Variants in CACNA1I observed in about 807,000 individuals in gnomAD.
CACNA1I encodes calcium voltage-gated channel subunit alpha1 I.
Under a neutral mutation model 201.6 loss-of-function variants are expected in CACNA1I, and 74 were observed. The ratio of observed to expected loss-of-function variants is 0.37; its 90% CI spans 0.30 to 0.45. The LOEUF is 0.45. Ranked by LOEUF, CACNA1I falls within the 20% of genes least tolerant of loss-of-function variation. CACNA1I has a pLI of 1.00. For synonymous variants in CACNA1I, 1,431 were observed against 1,345.2 expected (o/e 1.06, Z -1.40); for missense variants, 2,346 against 3,138.1 (o/e 0.75, Z 6.03).
In CACNA1I at chr22:39,649,382, G is replaced by A. The variant is rs927042452; in HGVS notation, c.1568-119G>A. ...ACCCCTGACCGCCTTTCCAGGCTGG[G>A]TCGGCTGGTTCCAGGCAGACCTGTG... On this transcript the variant is annotated intron_variant, in intron 9 of 36. Coordinates refer to ENST00000402142, the MANE Select transcript of CACNA1I (RefSeq NM_021096.4). This position sits in a 1 kb window ranked among gnomAD's most constrained non-coding sequence, Gnocchi z 7.3. 61 of 1,068,772 alleles carry A rather than the reference G, an allele frequency of 5.7e-5. No homozygotes were observed. The highest frequency in any genetic ancestry group is 7.9e-5 in the Non-Finnish European group (61 of 769,790). The allele number at this position is 1,068,772 out of a possible 1,614,324, so 66.2% of individuals were successfully genotyped here.
Position 39,677,842 on chromosome 22 carries a change from TCA to T in CACNA1I, c.4934-144_4934-143del. 1.1e-6 allele frequency: 1 copy of T among 897,914 alleles called. No individual in the cohort carries two copies. The highest frequency in any genetic ancestry group is 2.7e-5 in the East Asian group (1 of 36,572). 55.6% of individuals were successfully genotyped at this position (897,914 alleles called of 1,614,324 possible). On this transcript the variant is annotated intron_variant, in intron 30 of 36. Transcript: ENST00000402142. The surrounding 1 kb of genome is among the most constrained non-coding windows in gnomAD (Gnocchi z 4.8). ...AGCTCATGTGCCATCTCCCCGAGCC[TCA>T]GTTTATCTGTGGGCTGGGCACAGTC...
At position 39,665,694 on chromosome 22, in the gene CACNA1I, G is replaced by A. The variant is rs1320173181; in HGVS notation, c.3978+70G>A. 3 of 1,583,818 alleles carry A rather than the reference G, an allele frequency of 1.9e-6. No homozygotes were observed. The highest frequency in any genetic ancestry group is 1.7e-6 in the Non-Finnish European group (2 of 1,159,814). ...GGAAAAGGAAGTCTCAGACAGCCAG[G>A]GGAGAGACTCCACATTCCAACCTCA... is the stretch of plus-strand genomic sequence containing the variant. On this transcript the variant is annotated intron_variant, in intron 22 of 36. Coordinates refer to ENST00000402142, the MANE Select transcript of CACNA1I (RefSeq NM_021096.4). The surrounding 1 kb of genome is among the most constrained non-coding windows in gnomAD (Gnocchi z 5.5).
chr22:39,679,498 G>T (rs989160632), intron 32 of CACNA1I, 53 bp downstream of exon 32: 13 of 1,282,642 alleles, frequency 1.0e-5, no homozygotes, highest in Admixed American at 3.1e-5. Flanking sequence ...GCACCGCAGG[G>T]CCAGATGGGC....
chr22:39,620,608 G>A (rs933780956), intron 4 of CACNA1I, among the ~76,000 whole-genome samples: 8 of 152,228 alleles, frequency 5.3e-5, no homozygotes, highest in African/African-American at 1.7e-4. Context: ...GGGACGCACT[G>A]CCAGTGAGTA....
At chr22:39,672,136 G>A in intron 26 of CACNA1I, 63 bp from the exon 27 acceptor site, 2 of 990,536 alleles carry the variant, frequency 2.0e-6, no homozygotes, top group East Asian at 2.4e-5. Flanking sequence ...GACTTTCTGA[G>A]TGGAGGAAGG....
At position 39,676,781 on chromosome 22, in the gene CACNA1I, A is replaced by C. The variant is rs1347104079; in HGVS notation, c.4855-560A>C. The stretch of plus-strand genomic sequence containing the variant: ...TCCCAGACCAGCAGATGACAGTGAC[A>C]GGGATAAGTGCATTTCGGTGGTTTC... On this transcript the variant is annotated intron_variant, in intron 29 of 36. Coordinates refer to ENST00000402142, the MANE Select transcript of CACNA1I (RefSeq NM_021096.4). This position sits in a 1 kb window ranked among gnomAD's most constrained non-coding sequence, Gnocchi z 4.8. Among the ~76,000 whole-genome samples, 1 of 152,194 alleles carries C rather than the reference A, an allele frequency of 6.6e-6. No homozygotes were observed. Among genetic ancestry groups the C allele is most frequent in the Non-Finnish European group, 1.5e-5 (1 of 68,044 alleles).
intron 4 of CACNA1I, among the ~76,000 whole-genome samples, chr22:39,622,668 A>G (rs1451645634): frequency 6.6e-6 from 1 of 151,226 alleles, no homozygotes; most frequent in Non-Finnish European, 1.5e-5. Context: ...GGTGTGAGCG[A>G]ATGGCCGGTA....
intron 4 of CACNA1I, among the ~76,000 whole-genome samples, chr22:39,622,309 C>T (rs906349424): frequency 4.7e-5 from 6 of 127,886 alleles, no homozygotes; most frequent in South Asian, 2.7e-4. Flanking sequence ...GGCTGGGGGT[C>T]GGGAGGCCTC....
intron 29 of CACNA1I, among the ~76,000 whole-genome samples, chr22:39,675,226 G>A (rs1182498660): frequency 1.3e-5 from 2 of 152,354 alleles, no homozygotes; most frequent in South Asian, 2.1e-4. Flanking sequence ...TCCCTCAAGC[G>A]CTTATTTCAA....
chr22:39,574,399 G>A (rs528518592), intron 1 of CACNA1I, among the ~76,000 whole-genome samples: 12 of 152,204 alleles, frequency 7.9e-5, no homozygotes, highest in Admixed American at 2.0e-4. Flanking sequence ...CCCAGGAGAC[G>A]TGGCTGTCCA....
chr22:39,656,598 G>A (rs1306254170), intron 10 of CACNA1I: 7 of 517,928 alleles, frequency 1.4e-5, no homozygotes, highest in East Asian at 5.5e-5. Context: ...CTGGTAGCTC[G>A]AGCCCAGCAC....
chr22:39,674,152 T>A (rs1410900345), intron 29 of CACNA1I, 119 bp downstream of exon 29: 1 of 902,758 alleles, frequency 1.1e-6, no homozygotes, highest in Non-Finnish European at 1.7e-6. Context: ...GCAGATGCTG[T>A]CTCTGGGGAT....
At chr22:39,579,258 A>G (rs942301363) in intron 1 of CACNA1I, among the ~76,000 whole-genome samples, 12 of 152,220 alleles carry the variant, frequency 7.9e-5, no homozygotes, top group African/African-American at 2.7e-4. Context: ...GGTACAGGGC[A>G]GCGAGTGCCA....
At position 39,662,181 on chromosome 22, in the gene CACNA1I, A is replaced by G. The variant is rs136853; in HGVS notation, c.3118A>G (p.Ile1040Val). Residue 1040 changes from isoleucine (I) to valine (V), a missense_variant, in exon 17 of 37, where the codon ATT (isoleucine) becomes GTT (valine). By Grantham distance (29) the Ile-to-Val change is conservative. This residue lies in a region of CACNA1I where 288 missense variants were observed against 255.2 expected (regional missense o/e 1.13). Coordinates refer to ENST00000402142, the MANE Select transcript of CACNA1I (RefSeq NM_021096.4). ...CCTGCACACCCCACACGCCCACCAC[A>G]TTCATCACGGGCCCCATCTGGCGCA... is the stretch of plus-strand genomic sequence containing the variant. ...APLHTPHAHHIHHGPHLAHRH... is the reference protein window; with the variant it reads ...APLHTPHAHHVHHGPHLAHRH... 852,088 of 1,527,710 alleles carry G rather than the reference A, an allele frequency of 0.56. 246,351 individuals carry two copies. Among genetic ancestry groups the G allele is most frequent in the East Asian group, 0.99 (37,849 of 38,096 alleles). 94.6% of individuals were successfully genotyped at this position (1,527,710 alleles called of 1,614,324 possible).
rs1315785683 is a variant in CACNA1I at position 39,687,421 on chromosome 22, G to C, written c.*1016G>C. On this transcript the variant is annotated 3_prime_UTR_variant, in exon 37 of 37. Transcript: ENST00000402142. ...GGTAGTTAGTTGTTCAGCCACTAAT[G>C]CCTTTTATCCCCCATATGGGCGCTG... 6.6e-6 allele frequency: 1 copy of C among 152,276 alleles called. No individual in the cohort carries two copies. Among genetic ancestry groups the C allele is most frequent in the African/African-American group, 2.4e-5 (1 of 41,422 alleles). 9.4% of individuals were successfully genotyped at this position (152,276 alleles called of 1,614,324 possible). A position where few individuals can be genotyped will look rare whatever the true frequency, so the allele number is the denominator to read the frequency against.
chr22:39,646,422 GCCATCT>G, intron 7 of CACNA1I, 141 bp from the exon 8 acceptor site: 6 of 1,288,172 alleles, frequency 4.7e-6, no homozygotes, highest in Non-Finnish European at 5.2e-6. Flanking sequence ...CCTCTGTACC[GCCATCT>G]CCATCTCCAT....
At position 39,675,329 on chromosome 22, in the gene CACNA1I, G is replaced by A. The variant is rs542055435; in HGVS notation, c.4854+1296G>A. 7.2e-5 allele frequency among the ~76,000 whole-genome samples: 11 copies of A among 152,332 alleles called. No homozygotes were observed. The South Asian group carries it at 8.3e-4, about 11-fold the overall frequency. On this transcript the variant is annotated intron_variant, in intron 29 of 36. Coordinates refer to ENST00000402142, the MANE Select transcript of CACNA1I (RefSeq NM_021096.4). ...TGCCATTTAAGAGGCTGCTAGGGGT[G>A]GGGATGGTGAGTGTGTGGCTCGGCC...
At position 39,573,553 on chromosome 22, in the gene CACNA1I, C is replaced by T. The variant is rs561718010; in HGVS notation, c.236+2565C>T. Among the ~76,000 whole-genome samples, 120 of 152,254 alleles carry T rather than the reference C, an allele frequency of 7.9e-4. 1 individual carries two copies. Among genetic ancestry groups the T allele is most frequent in the African/African-American group, 2.8e-3 (117 of 41,542 alleles). On this transcript the variant is annotated intron_variant, in intron 1 of 36. Transcript: ENST00000402142. ...GCACCTCCACCTAAAAAGGAGACGG[C>T]AGACGAATCACCCCTTCCAGCCCTG...
chr22:39,650,035 C>A, intron 10 of CACNA1I, 110 bp downstream of exon 10: 1 of 1,183,814 alleles, frequency 8.4e-7, no homozygotes, highest in Non-Finnish European at 1.2e-6. Context: ...TGTCTGTCCA[C>A]CTAGAAGTGC....
Sources: gnomAD v4.1 joint callset for allele counts (sites outside exome capture counted in the v4.1 genomes callset) on GRCh38, gnomAD v4.1.1 for gene constraint, gnomAD v4.1.1 regional missense constraint, Gnocchi (gnomAD v3.1) non-coding constraint, MANE v1.5 for transcripts, NCBI Gene and HGNC (gene_info 2026-07-23, HGNC 2026-07-21) for gene names.